Variants in STUM observed in about 807,000 individuals in gnomAD.
The protein encoded by STUM is protein stum homolog.
A neutral mutation model predicts 15.3 loss-of-function variants in STUM; 8 were observed. That is an observed-to-expected ratio of 0.52 (90% CI 0.31 to 0.94). STUM has a LOEUF of 0.94. STUM is among the 40% of genes least tolerant of loss of function. The pLI, the probability that STUM is intolerant of heterozygous loss-of-function variation, is 0.05. For missense variants in STUM, 142 were observed against 204.9 expected, an observed-to-expected ratio of 0.69 and a Z score of 1.87; for synonymous variants, 78 against 88.7, an observed-to-expected ratio of 0.88 and a Z score of 0.68.
At chr1:226,570,010 C>T (rs1033429767) in intron 1 of STUM, among the ~76,000 whole-genome samples, 4 of 152,206 alleles carry the variant, frequency 2.6e-5, no homozygotes, top group Non-Finnish European at 5.9e-5. Flanking sequence ...AGGGTGACTG[C>T]CACACATCAG....
intron 1 of STUM, among the ~76,000 whole-genome samples, chr1:226,562,695 T>A (rs1297923506): frequency 6.6e-6 from 1 of 152,166 alleles, no homozygotes; most frequent in Non-Finnish European, 1.5e-5. Context: ...GTACCTGGCC[T>A]GTATTCTTCA....
rs982255279 is a variant in STUM, at chr1:226,609,141, G to A, written c.*7101G>A. 6.6e-6 allele frequency: 1 copy of A among 151,918 alleles called. No individual in the cohort carries two copies. The highest frequency in any genetic ancestry group is 6.6e-5 in the Admixed American group (1 of 15,264). The allele number at this position is 151,918 out of a possible 1,614,324, so 9.4% of individuals were successfully genotyped here. Reference sequence around the variant, plus strand: ...CAAGTTTGTGTTTTTTTAAATCCTTGGAAATACGGCTTTGGAAACCTTTTT... The same window carrying A: ...CAAGTTTGTGTTTTTTTAAATCCTTAGAAATACGGCTTTGGAAACCTTTTT... On this transcript the variant is annotated 3_prime_UTR_variant, in exon 4 of 4. Transcript: ENST00000366788.
chr1:226,567,516 T>C lies in STUM; in HGVS notation c.202+18410T>C, dbSNP rs1667643862. On this transcript the variant is annotated intron_variant, in intron 1 of 3. Transcript: ENST00000366788. The surrounding 1 kb of genome is among the most constrained non-coding windows in gnomAD (Gnocchi z 4.5). ...AAGAGGTAGATGGTCCCGATGGCCC[T>C]AAACAGCATCATTTTTCTCAGTGAT... 6.6e-6 allele frequency among the ~76,000 whole-genome samples: 1 copy of C among 152,236 alleles called. No individual in the cohort carries two copies. The highest frequency in any genetic ancestry group is 1.5e-5 in the Non-Finnish European group (1 of 68,046).
chr1:226,568,000 C>A lies in STUM; in HGVS notation c.202+18894C>A, dbSNP rs672572. ...CCTTGGAAGCCAAACCTGAGACACCCGGGAGAGGTCATGTGCGTGCCCGGG... is the reference window on the plus strand; with the variant it reads ...CCTTGGAAGCCAAACCTGAGACACCAGGGAGAGGTCATGTGCGTGCCCGGG... On this transcript the variant is annotated intron_variant, in intron 1 of 3. Transcript: ENST00000366788. The surrounding 1 kb of genome is among the most constrained non-coding windows in gnomAD (Gnocchi z 4.5). Among the ~76,000 whole-genome samples the A allele has an allele frequency of 6.6e-6, 1 of 152,138 alleles. No homozygotes were observed. The highest frequency in any genetic ancestry group is 2.4e-5 in the African/African-American group (1 of 41,496).
At chr1:226,591,137 A>C (rs375788156) in intron 1 of STUM, among the ~76,000 whole-genome samples, 2 of 152,254 alleles carry the variant, frequency 1.3e-5, no homozygotes, top group Middle Eastern at 3.2e-3. Flanking sequence ...AATGTGCTAA[A>C]ACCATTTTTT....
chr1:226,579,297 A>T (rs2102700383), intron 1 of STUM, among the ~76,000 whole-genome samples: 1 of 152,306 alleles, frequency 6.6e-6, no homozygotes, highest in African/African-American at 2.4e-5. Context: ...GGGCATGGGG[A>T]TGCCAGTCCA....
rs1668291645 is a variant in STUM at position 226,602,746 on chromosome 1, G to A, written c.*706G>A. 6.6e-6 allele frequency: 1 copy of A among 152,208 alleles called. No homozygotes were observed. Among genetic ancestry groups the A allele is most frequent in the Non-Finnish European group, 1.5e-5 (1 of 68,050 alleles). 9.4% of individuals were successfully genotyped at this position (152,208 alleles called of 1,614,324 possible). On this transcript the variant is annotated 3_prime_UTR_variant, in exon 4 of 4. Coordinates refer to ENST00000366788, the MANE Select transcript of STUM (RefSeq NM_001003665.4). Reference sequence around the variant, plus strand: ...GAAGGAGAGGAGTAGCTCCTTCCCTGGGGTGAAACTGCCAGATGTTTATAC... The same window carrying A: ...GAAGGAGAGGAGTAGCTCCTTCCCTAGGGTGAAACTGCCAGATGTTTATAC...
At chr1:226,551,380 C>A (rs567405102) in intron 1 of STUM, among the ~76,000 whole-genome samples, 12 of 152,358 alleles carry the variant, frequency 7.9e-5, no homozygotes, top group Non-Finnish European at 1.3e-4. Flanking sequence ...CTGGACCACT[C>A]AGAAGCAAAG....
intron 2 of STUM, among the ~76,000 whole-genome samples, chr1:226,599,337 T>G (rs1464285740): frequency 6.6e-6 from 1 of 152,212 alleles, no homozygotes; most frequent in South Asian, 2.1e-4. Context: ...TTCCCACAAC[T>G]AATCCCACCC....
chr1:226,584,200 G>T (rs996552258), intron 1 of STUM, among the ~76,000 whole-genome samples: 4 of 152,196 alleles, frequency 2.6e-5, no homozygotes, highest in African/African-American at 9.7e-5. Flanking sequence ...AGCTGAAACT[G>T]GCCCTCAGCT....
chr1:226,558,187 G>T (rs1043236457), intron 1 of STUM, among the ~76,000 whole-genome samples: 3 of 152,174 alleles, frequency 2.0e-5, no homozygotes, highest in Non-Finnish European at 4.4e-5. Context: ...AGGAAGAAGT[G>T]AAATTGTCAT....
chr1:226,605,667 C>G lies in STUM; in HGVS notation c.*3627C>G, dbSNP rs1016852864. 1 of 152,250 alleles carries G rather than the reference C, an allele frequency of 6.6e-6. No homozygotes were observed. The highest frequency in any genetic ancestry group is 2.4e-5 in the African/African-American group (1 of 41,446). The allele number at this position is 152,250 out of a possible 1,614,324, so 9.4% of individuals were successfully genotyped here. On this transcript the variant is annotated 3_prime_UTR_variant, in exon 4 of 4. Coordinates refer to ENST00000366788, the MANE Select transcript of STUM (RefSeq NM_001003665.4). This position sits in a 1 kb window ranked among gnomAD's most constrained non-coding sequence, Gnocchi z 4.0. ...CCCTCCCATATGTGGGGGCGGCCCC[C>G]TCCTGAGACCTGTCATCACTTAGGG...
chr1:226,578,519 C>T lies in STUM; in HGVS notation c.203-18283C>T, dbSNP rs573149116. Among the ~76,000 whole-genome samples, 4 of 151,518 alleles carry T rather than the reference C, an allele frequency of 2.6e-5. No individual in the cohort carries two copies. The East Asian group carries it at 7.8e-4, about 30-fold the overall frequency. On this transcript the variant is annotated intron_variant, in intron 1 of 3. Transcript: ENST00000366788. Reference sequence around the variant, plus strand: ...TAACTGGGACCACAGGCATGCACCACCATGCCTGGCTAATTTTTAAATTAC... The same window carrying T: ...TAACTGGGACCACAGGCATGCACCATCATGCCTGGCTAATTTTTAAATTAC...
At position 226,549,011 on chromosome 1, in the gene STUM, G is replaced by C; in HGVS notation, c.107G>C (p.Arg36Pro). 1 of 1,576,186 alleles carries C rather than the reference G, an allele frequency of 6.3e-7. No homozygotes were observed. The highest frequency in any genetic ancestry group is 8.6e-7 in the Non-Finnish European group (1 of 1,164,834). The change falls in exon 1 of 4, where the codon CGC becomes CCC. Residue 36 changes from arginine (R) to proline (P), a missense_variant. By Grantham distance (103) the Arg-to-Pro change is moderately radical. Coordinates refer to ENST00000366788, the MANE Select transcript of STUM (RefSeq NM_001003665.4). The surrounding 1 kb of genome is among the most constrained non-coding windows in gnomAD (Gnocchi z 6.8). Reference protein sequence around the residue: ...SSSSGVVVQVREKKGPLRAAI... With the variant: ...SSSSGVVVQVPEKKGPLRAAI... ...TCCAGCGGGGTGGTGGTGCAGGTCC[G>C]CGAGAAGAAGGGCCCCCTGCGCGCC...
chr1:226,598,611 G>A (rs1484558395), intron 2 of STUM, among the ~76,000 whole-genome samples: 2 of 152,220 alleles, frequency 1.3e-5, no homozygotes, highest in Non-Finnish European at 2.9e-5. Flanking sequence ...CCCCAGAAGT[G>A]CAGATGGGGA....
chr1:226,589,718 T>TA (rs1485287896), intron 1 of STUM, among the ~76,000 whole-genome samples: 1 of 75,958 alleles, frequency 1.3e-5, no homozygotes, highest in African/African-American at 5.2e-5. Context: ...AGCTGGGACC[T>TA]CCAGGAACAG....
At chr1:226,555,158 A>G (rs1667425832) in intron 1 of STUM, among the ~76,000 whole-genome samples, 1 of 152,146 alleles carries the variant, frequency 6.6e-6, no homozygotes, top group African/African-American at 2.4e-5. Context: ...TCTAAACTTT[A>G]GAGCTCCCCA....
Position 226,549,018 on chromosome 1 carries a change from G to T in STUM, c.114G>T (p.Lys38Asn). ...SSGVVVQVRE[K>N]KGPLRAAIPY... ...GGGTGGTGGTGCAGGTCCGCGAGAA[G>T]AAGGGCCCCCTGCGCGCCGCCATCC... Residue 38 changes from lysine (K) to asparagine (N), a missense_variant, in exon 1 of 4, where the codon AAG (lysine) becomes AAT (asparagine). Lys to Asn is a moderately conservative substitution (Grantham distance 94). This residue lies in a region of STUM where 113 missense variants were observed against 134.4 expected (regional missense o/e 0.84). Coordinates refer to ENST00000366788, the MANE Select transcript of STUM (RefSeq NM_001003665.4). This position sits in a 1 kb window ranked among gnomAD's most constrained non-coding sequence, Gnocchi z 6.8. The T allele has an allele frequency of 6.3e-7, 1 of 1,581,548 alleles. No homozygotes were observed. The highest frequency in any genetic ancestry group is 8.6e-7 in the Non-Finnish European group (1 of 1,167,166).
chr1:226,585,705 G>T (rs764813170), intron 1 of STUM, among the ~76,000 whole-genome samples: 1 of 152,162 alleles, frequency 6.6e-6, no homozygotes, highest in Non-Finnish European at 1.5e-5. Context: ...TCACCGCCCC[G>T]TGGGATTCTT....
Sources: gnomAD v4.1 joint callset for allele counts (sites outside exome capture counted in the v4.1 genomes callset) on GRCh38, gnomAD v4.1.1 for gene constraint, gnomAD v4.1.1 regional missense constraint, Gnocchi (gnomAD v3.1) non-coding constraint, MANE v1.5 for transcripts, NCBI Gene and HGNC (gene_info 2026-07-23, HGNC 2026-07-21) for gene names.